The following GCA variants were observed in gnomAD, a reference collection of about 807,000 sequenced individuals.
GCA encodes grancalcin, EF-hand calcium-binding protein.
In GCA, 30 loss-of-function variants were observed where a neutral mutation model predicts 32.6. The observed-to-expected ratio is 0.92, with a 90% CI of 0.69 to 1.25. The LOEUF (loss-of-function observed/expected upper bound fraction) is 1.25. Ranked by LOEUF, GCA falls within the 50% of genes most tolerant of loss-of-function variation. The pLI is 0.00. For synonymous variants in GCA, 102 were observed against 84.6 expected, an observed-to-expected ratio of 1.21 and a Z score of -1.13; for missense variants, 291 against 266.8, an observed-to-expected ratio of 1.09 and a Z score of -0.63.
chr2:162,374,842 G>A (rs967176784), downstream of GCA, among the ~76,000 whole-genome samples: 5 of 151,856 alleles, frequency 3.3e-5, no homozygotes, highest in African/African-American at 1.2e-4. Flanking sequence ...TAAACCAATA[G>A]CTATGAATGA....
downstream of GCA, chr2:162,371,637 A>C: frequency 1.3e-6 from 1 of 776,214 alleles, no homozygotes; most frequent in Non-Finnish European, 1.9e-6. Context: ...TGGAACCAAA[A>C]GTTCTTATGT....
At chr2:162,322,423 AT>A (rs1473778937) in intron 1 of GCA, among the ~76,000 whole-genome samples, 1 of 146,958 alleles carries the variant, frequency 6.8e-6, no homozygotes, top group Non-Finnish European at 1.5e-5. Flanking sequence ...ATTTATTATT[AT>A]ACTTTAAGTT....
rs77016570 is a variant in GCA at position 162,370,765 on chromosome 2, A to G, written c.366-541A>G. Among the ~76,000 whole-genome samples, 211 of 152,036 alleles carry G rather than the reference A, an allele frequency of 1.4e-3. 2 individuals carry two copies. In the East Asian group the frequency reaches 0.036, roughly 26 times the overall value. On this transcript the variant is annotated intron_variant, in intron 4 of 4. Coordinates refer to the GCA transcript ENST00000414723. ...ACATTTTTTGAAAACTGTGTCGACT[A>G]TTTTTTATTTATTTTTTGAGATAGG...
At chr2:162,344,110 C>T (rs1241237241), upstream of GCA, 8 of 844,726 alleles carry the variant, frequency 9.5e-6, no homozygotes, top group Admixed American at 2.0e-5. Context: ...GGGGCGGGTT[C>T]GGAGGAGTGA....
chr2:162,364,435 T>G (rs997997017), downstream of GCA, among the ~76,000 whole-genome samples: 3 of 151,562 alleles, frequency 2.0e-5, 1 homozygote. Context: ...TGGCAAGAGA[T>G]AATTTACGGT....
chr2:162,340,550 C>A (rs749841591), upstream of GCA, among the ~76,000 whole-genome samples: 5 of 152,196 alleles, frequency 3.3e-5, no homozygotes, highest in Non-Finnish European at 7.3e-5. Context: ...TTGTCAACAG[C>A]TGAAAGAGTG....
Position 162,362,734 on chromosome 2 carries a change from G to T in GCA, c.*2491G>T, listed in dbSNP as rs1232380169. 1 of 213,774 alleles carries T rather than the reference G, an allele frequency of 4.7e-6. No individual in the cohort carries two copies. The highest frequency in any genetic ancestry group is 8.0e-6 in the Non-Finnish European group (1 of 124,838). 13.2% of individuals were successfully genotyped at this position (213,774 alleles called of 1,614,324 possible). ...GTAATTCACCTATATCTAAAAGACT[G>T]CCAAATTATTAAATGTCAGGTATTG... On this transcript the variant is annotated 3_prime_UTR_variant, in exon 8 of 8. Transcript: ENST00000437150.
chr2:162,345,131 G>GGTGGTGGTTGTGGTTGTGGTT (rs146219747), intron 1 of GCA, among the ~76,000 whole-genome samples: 196 of 144,198 alleles, frequency 1.4e-3, no homozygotes, highest in African/African-American at 5.0e-3. Flanking sequence ...TGGTGGTGGT[G>GGTGGTGGTTGTGGTTGTGGTT]GTGGTTGTGG....
downstream of GCA, chr2:162,373,515 C>T (rs375246603): frequency 2.0e-5 from 31 of 1,574,680 alleles, no homozygotes; most frequent in Admixed American, 7.3e-5. Flanking sequence ...TGGATGCTTC[C>T]GGTTGACTGG....
At chr2:162,356,283 A>G (rs1236227257) in intron 3 of GCA, among the ~76,000 whole-genome samples, 155 bp from the exon 4 acceptor site, 13 of 152,138 alleles carry the variant, frequency 8.5e-5, no homozygotes, top group African/African-American at 2.6e-4. Flanking sequence ...TTTTTAAACA[A>G]TGGGTGCTTA....
chr2:162,324,378 A>T (rs928084241), intron 1 of GCA, among the ~76,000 whole-genome samples: 5 of 152,148 alleles, frequency 3.3e-5, no homozygotes, highest in African/African-American at 1.2e-4. Context: ...TTCCCCTGGA[A>T]TCAGGCCACT....
chr2:162,333,007 C>T (rs1240071746), intron 1 of GCA, among the ~76,000 whole-genome samples: 2 of 152,040 alleles, frequency 1.3e-5, no homozygotes, highest in Admixed American at 1.3e-4. Context: ...GGGATCAAAA[C>T]ATGACGTACA....
At chr2:162,330,137 G>A (rs1558885539) in intron 1 of GCA, among the ~76,000 whole-genome samples, 1 of 151,782 alleles carries the variant, frequency 6.6e-6, no homozygotes, top group Non-Finnish European at 1.5e-5. Context: ...ATGAATGCAT[G>A]CACACAGGTG....
chr2:162,364,321 AAAT>A (rs1376964930), downstream of GCA, among the ~76,000 whole-genome samples: 1 of 151,488 alleles, frequency 6.6e-6, no homozygotes, highest in East Asian at 1.9e-4. Flanking sequence ...ATTTTTTTGA[AAAT>A]AATAAGCCAT....
chr2:162,372,708 T>C (rs963758895), downstream of GCA, among the ~76,000 whole-genome samples: 2 of 152,140 alleles, frequency 1.3e-5, no homozygotes, highest in African/African-American at 4.8e-5. Context: ...TCTAAAAAAG[T>C]TTTATGAGAT....
Position 162,362,323 on chromosome 2 carries a change from TTTACA to T in GCA, c.*2084_*2088del. ...TAATTGCCAGGCAACTCTTCTGCAC[TTTACA>T]TTAAACAGACAAACTTATGTTAACA... On this transcript the variant is annotated 3_prime_UTR_variant, in exon 8 of 8. Transcript: ENST00000437150. The T allele has an allele frequency of 1.0e-6, 1 of 984,038 alleles. No homozygotes were observed. The highest frequency in any genetic ancestry group is 1.2e-6 in the Non-Finnish European group (1 of 828,902). The allele number at this position is 984,038 out of a possible 1,614,324, so 61.0% of individuals were successfully genotyped here.
chr2:162,349,412 A>G (rs1407410275), intron 2 of GCA, among the ~76,000 whole-genome samples: 1 of 152,016 alleles, frequency 6.6e-6, no homozygotes, highest in Non-Finnish European at 1.5e-5. Context: ...GTATTGCAGC[A>G]CCTGCTATAT....
intron 1 of GCA, among the ~76,000 whole-genome samples, chr2:162,326,224 T>C (rs1191416835): frequency 6.6e-6 from 1 of 152,226 alleles, no homozygotes; most frequent in Non-Finnish European, 1.5e-5. Flanking sequence ...CTTGCACATA[T>C]GGGACCTCAG....
rs1171673338 is a variant in GCA at position 162,371,418 on chromosome 2, A to T, written c.*38A>T. 6 of 1,288,218 alleles carry T rather than the reference A, an allele frequency of 4.7e-6. No individual in the cohort carries two copies. The South Asian group carries it at 7.4e-5, about 16-fold the overall frequency. 79.8% of individuals were successfully genotyped at this position (1,288,218 alleles called of 1,614,324 possible). A position where few individuals can be genotyped will look rare whatever the true frequency, so the allele number is the denominator to read the frequency against. On this transcript the variant is annotated 3_prime_UTR_variant, in exon 5 of 5. Transcript: ENST00000414723. The stretch of plus-strand genomic sequence containing the variant: ...CCCCTGGAATTCCCATGAGTTGAGG[A>T]TCATCTGAATTTGAGTTGCATCCAT...
Sources: allele counts gnomAD v4.1 joint callset (sites outside exome capture counted in the v4.1 genomes callset), GRCh38; gene constraint gnomAD v4.1.1; transcripts MANE v1.5; gene names NCBI Gene and HGNC (gene_info 2026-07-23, HGNC 2026-07-21).